RARB: variants seen among roughly 807,000 people sequenced by gnomAD.
RARB encodes HBV-activated protein.
Under a neutral mutation model 51.9 loss-of-function variants are expected in RARB, and 17 were observed. The ratio of observed to expected loss-of-function variants is 0.33; its 90% CI spans 0.22 to 0.49. RARB has a LOEUF of 0.49. Among genes scored for constraint, RARB ranks in the 20% least tolerant of loss-of-function variants. RARB has a pLI of 0.99. For missense variants in RARB, 369 were observed against 550.8 expected (o/e 0.67, Z 3.30); for synonymous variants, 215 against 195.4 (o/e 1.10, Z -0.84).
chr3:25,431,506 C>T lies in RARB; in HGVS notation c.157+2618C>T, dbSNP rs1305189882. On this transcript the variant is annotated intron_variant, in intron 1 of 7. Coordinates refer to ENST00000330688, the MANE Select transcript of RARB (RefSeq NM_000965.5). ...AATGTGGTCTAAATATTACGATTGACGACTGCCCCTGGAAGGTATAGGAGT... is the reference window on the plus strand; with the variant it reads ...AATGTGGTCTAAATATTACGATTGATGACTGCCCCTGGAAGGTATAGGAGT... Among the ~76,000 whole-genome samples the T allele has an allele frequency of 3.9e-5, 6 of 152,048 alleles. No homozygotes were observed. In the East Asian group the frequency reaches 9.6e-4, roughly 24 times the overall value.
intron 5 of RARB, among the ~76,000 whole-genome samples, chr3:25,182,189 ATGAG>A (rs974116584): frequency 1.3e-5 from 2 of 152,184 alleles, no homozygotes; most frequent in African/African-American, 2.4e-5. Context: ...TTTGGAATGA[ATGAG>A]TGAATGAATG....
chr3:25,391,394 C>A (rs13073246), intron 5 of RARB, among the ~76,000 whole-genome samples: 2 of 151,920 alleles, frequency 1.3e-5, no homozygotes, highest in African/African-American at 2.4e-5. Context: ...GACTTCTTTT[C>A]CTCTAGGTAA....
intron 5 of RARB, among the ~76,000 whole-genome samples, chr3:25,267,748 T>C (rs1169087475): frequency 6.6e-6 from 1 of 152,204 alleles, no homozygotes; most frequent in Non-Finnish European, 1.5e-5. Context: ...GTTCATTTTA[T>C]GTGACTGGAG....
At chr3:25,097,961 T>C (rs1210008500) in intron 3 of RARB, among the ~76,000 whole-genome samples, 1 of 152,204 alleles carries the variant, frequency 6.6e-6, no homozygotes, top group Non-Finnish European at 1.5e-5. Flanking sequence ...TTTAACTTGT[T>C]TAAAGTCCTT....
At chr3:24,834,892 C>T (rs750097189) in intron 1 of RARB, among the ~76,000 whole-genome samples, 7 of 152,026 alleles carry the variant, frequency 4.6e-5, no homozygotes, top group Non-Finnish European at 7.4e-5. Context: ...AGTAACTTTC[C>T]CTTTTCCTTT....
At chr3:25,046,750 T>C (rs547436149) in intron 2 of RARB, among the ~76,000 whole-genome samples, 1 of 152,194 alleles carries the variant, frequency 6.6e-6, no homozygotes, top group Non-Finnish European at 1.5e-5. Flanking sequence ...CCACCACTCC[T>C]GGCCTATAAT....
At chr3:25,039,814 G>C (rs2125294322) in intron 2 of RARB, among the ~76,000 whole-genome samples, 2 of 152,318 alleles carry the variant, frequency 1.3e-5, no homozygotes, top group South Asian at 4.1e-4. Flanking sequence ...TAAGAGAGGT[G>C]AGGAAAGTGG....
intron 5 of RARB, among the ~76,000 whole-genome samples, chr3:25,387,803 ATGTCAAAAT>A (rs200793332): frequency 0.014 from 2,064 of 152,174 alleles, 55 homozygotes; most frequent in African/African-American, 0.047. Flanking sequence ...TTTGTGTTTT[ATGTCAAAAT>A]AATCACTTAC....
chr3:25,462,006 T>C (rs1245365522), intron 2 of RARB, among the ~76,000 whole-genome samples: 2 of 152,222 alleles, frequency 1.3e-5, no homozygotes, highest in Non-Finnish European at 2.9e-5. Context: ...TATTTTTGAA[T>C]ATGACTGACA....
At chr3:25,260,732 A>G (rs1442775711) in intron 5 of RARB, among the ~76,000 whole-genome samples, 2 of 152,146 alleles carry the variant, frequency 1.3e-5, no homozygotes, top group African/African-American at 2.4e-5. Context: ...GCTAATCTCA[A>G]TATTCATACC....
At chr3:25,415,577 T>G (rs951536012) in intron 5 of RARB, among the ~76,000 whole-genome samples, 1 of 152,240 alleles carries the variant, frequency 6.6e-6, no homozygotes, top group Non-Finnish European at 1.5e-5. Context: ...CTGGTCTTAA[T>G]GTAGGTTGGA....
intron 2 of RARB, among the ~76,000 whole-genome samples, chr3:24,925,310 GA>G (rs1253413975): frequency 1.3e-5 from 2 of 151,960 alleles, no homozygotes; most frequent in African/African-American, 4.8e-5. Flanking sequence ...TAGATTTACA[GA>G]TTAATATTTT....
At chr3:24,844,285 T>G (rs1339691590) in intron 1 of RARB, among the ~76,000 whole-genome samples, 1 of 152,226 alleles carries the variant, frequency 6.6e-6, no homozygotes, top group Admixed American at 6.5e-5. Context: ...GGAGCACTTT[T>G]TTTTCTTTCT....
chr3:25,122,585 G>A (rs1385835921), intron 3 of RARB, among the ~76,000 whole-genome samples: 1 of 152,074 alleles, frequency 6.6e-6, no homozygotes, highest in Non-Finnish European at 1.5e-5. Context: ...GTATGAGGGG[G>A]ACAAGTTAGC....
intron 2 of RARB, among the ~76,000 whole-genome samples, chr3:25,035,183 A>G (rs1697960304): frequency 6.6e-6 from 1 of 152,138 alleles, no homozygotes; most frequent in South Asian, 2.1e-4. Context: ...GTGCAGTGAC[A>G]CCATCTTGGC....
At chr3:25,223,806 G>T (rs1177117792) in intron 5 of RARB, among the ~76,000 whole-genome samples, 1 of 152,138 alleles carries the variant, frequency 6.6e-6, no homozygotes, top group African/African-American at 2.4e-5. Flanking sequence ...TTTCCTTTCA[G>T]ATCTATTTTT....
intron 5 of RARB, among the ~76,000 whole-genome samples, chr3:25,321,940 T>C (rs533539154): frequency 4.1e-4 from 62 of 151,590 alleles, no homozygotes; most frequent in Non-Finnish European, 8.1e-4. Context: ...TGGATGCTAA[T>C]TGATGTGATG....
At chr3:24,958,317 T>G (rs1342407409) in intron 2 of RARB, among the ~76,000 whole-genome samples, 1 of 142,076 alleles carries the variant, frequency 7.0e-6, no homozygotes, top group Non-Finnish European at 1.5e-5. Context: ...CAGGGAACTT[T>G]AGAACTAATA....
chr3:25,513,914 G>C (rs1442954937), intron 3 of RARB, among the ~76,000 whole-genome samples: 2 of 152,150 alleles, frequency 1.3e-5, no homozygotes, highest in African/African-American at 4.8e-5. Flanking sequence ...TTTTCATCTT[G>C]AGCTATTTTT....
Sources: gnomAD v4.1 joint callset for allele counts (sites outside exome capture counted in the v4.1 genomes callset) on GRCh38, gnomAD v4.1.1 for gene constraint, MANE v1.5 for transcripts, NCBI Gene and HGNC (gene_info 2026-07-23, HGNC 2026-07-21) for gene names.